LRRIQ1: variants seen among roughly 807,000 people sequenced by gnomAD.
The protein encoded by LRRIQ1 is leucine rich repeats and IQ motif containing 1.
A neutral mutation model predicts 211.9 loss-of-function variants in LRRIQ1; 210 were observed. The observed-to-expected ratio is 0.99, with a 90% confidence interval of 0.89 to 1.11. The LOEUF (loss-of-function observed/expected upper bound fraction) is 1.11. LRRIQ1 is among the 50% of genes most tolerant of loss of function. LRRIQ1 has a pLI of 0.00. For synonymous variants in LRRIQ1, 699 were observed against 650.1 expected (o/e 1.08, Z -1.14); for missense variants, 2,136 against 1,939.5 (o/e 1.10, Z -1.90).
intron 26 of LRRIQ1, among the ~76,000 whole-genome samples, chr12:85,236,827 G>A (rs1300311900): frequency 1.4e-4 from 10 of 70,900 alleles, no homozygotes; most frequent in Non-Finnish European, 2.2e-4. Context: ...ATGTGTATGT[G>A]TGCATATATA....
downstream of LRRIQ1, among the ~76,000 whole-genome samples, chr12:85,246,156 A>G (rs903490296): frequency 6.6e-6 from 1 of 151,204 alleles, no homozygotes; most frequent in Non-Finnish European, 1.5e-5. Flanking sequence ...AGTTTCAAAA[A>G]CCCTGGAGAG....
Position 85,056,318 on chromosome 12 carries a change from A to G in LRRIQ1, c.1525A>G (p.Lys509Glu), listed in dbSNP as rs781527067. 1 of 1,596,592 alleles carries G rather than the reference A, an allele frequency of 6.3e-7. No homozygotes were observed. Among genetic ancestry groups the G allele is most frequent in the South Asian group, 1.2e-5 (1 of 85,624 alleles). The change falls in exon 8 of 27, where the codon AAA becomes GAA. Residue 509 changes from lysine to glutamate, a missense_variant. Physicochemically the swap from Lys to Glu is moderately conservative, Grantham distance 56. Transcript: ENST00000393217. ...AAGAAAATATGAAAATACAGATAAC[A>G]AAACTGAATTGGGAAACTCTGATCT... ...QERKYENTDN[K>E]TELGNSDLKG...
chr12:85,153,558 TAGA>T, intron 21 of LRRIQ1, 102 bp from the exon 22 acceptor site: 1 of 732,754 alleles, frequency 1.4e-6, no homozygotes, highest in Non-Finnish European at 2.2e-6. Flanking sequence ...TTTGCTAACT[TAGA>T]TTTTATTTCC....
chr12:85,191,647 T>G (rs1892516290), intron 24 of LRRIQ1, among the ~76,000 whole-genome samples: 1 of 152,036 alleles, frequency 6.6e-6, no homozygotes, highest in South Asian at 2.1e-4. Context: ...AAAATTTTTG[T>G]GAGTGCACAC....
At chr12:85,052,344 C>A in intron 7 of LRRIQ1, 93 bp downstream of exon 7, 1 of 621,192 alleles carries the variant, frequency 1.6e-6, no homozygotes, top group South Asian at 2.8e-5. Flanking sequence ...ATAATGCTGC[C>A]TAAGTAGTAT....
intron 17 of LRRIQ1, 128 bp downstream of exon 17, chr12:85,124,647 TTA>T (rs2136448389): frequency 2.7e-6 from 2 of 738,418 alleles, no homozygotes; most frequent in African/African-American, 3.6e-5. Flanking sequence ...ACCGATTCCA[TTA>T]TGTTTTCGTG....
At chr12:85,261,765 T>C (rs1350598247) in intron 1 of LRRIQ1, among the ~76,000 whole-genome samples, 2 of 139,608 alleles carry the variant, frequency 1.4e-5, no homozygotes, top group Non-Finnish European at 3.0e-5. Flanking sequence ...TTTTTGTTTA[T>C]TTTATTTATT....
At chr12:85,044,596 C>T (rs1278126553) in intron 3 of LRRIQ1, 122 bp from the exon 4 acceptor site, 2 of 426,198 alleles carry the variant, frequency 4.7e-6, no homozygotes, top group Non-Finnish European at 8.7e-6. Context: ...CTGAGTTACT[C>T]TTACTGATCA....
intron 11 of LRRIQ1, among the ~76,000 whole-genome samples, chr12:85,075,514 A>G (rs1438203767): frequency 1.3e-5 from 2 of 151,990 alleles, no homozygotes; most frequent in African/African-American, 4.8e-5. Context: ...AGCAAGGGAG[A>G]CAGAATGTGG....
Position 85,254,608 on chromosome 12 carries a change from C to G in LRRIQ1, c.122-8307C>G, listed in dbSNP as rs564717288. ...AGAAATTTAGTTTTGTTTCATCTCT[C>G]CACTAATTAACTAGCATATTAATTT... is the stretch of plus-strand genomic sequence containing the variant. On this transcript the variant is annotated intron_variant, in intron 1 of 1. Coordinates refer to the LRRIQ1 transcript ENST00000602731. Among the ~76,000 whole-genome samples the G allele has an allele frequency of 1.2e-3, 183 of 152,186 alleles. 3 individuals are homozygous for G. In the Middle Eastern group the frequency reaches 0.068, roughly 57 times the overall value.
At chr12:85,219,438 T>C (rs1333253357) in intron 24 of LRRIQ1, among the ~76,000 whole-genome samples, 1 of 152,146 alleles carries the variant, frequency 6.6e-6, no homozygotes, top group Non-Finnish European at 1.5e-5. Flanking sequence ...AATCTAAATA[T>C]TTTCCATGAT....
chr12:85,083,703 G>A (rs1884527207), intron 11 of LRRIQ1, among the ~76,000 whole-genome samples: 1 of 152,102 alleles, frequency 6.6e-6, no homozygotes, highest in Non-Finnish European at 1.5e-5. Flanking sequence ...CTCCCAAAGT[G>A]CTGAGATTAC....
At chr12:85,201,719 A>G (rs1893308920) in intron 24 of LRRIQ1, among the ~76,000 whole-genome samples, 1 of 151,210 alleles carries the variant, frequency 6.6e-6, no homozygotes, top group African/African-American at 2.4e-5. Flanking sequence ...TTTCCTATTA[A>G]TGTTTTCATA....
intron 19 of LRRIQ1, among the ~76,000 whole-genome samples, chr12:85,145,113 A>G (rs1362317609): frequency 6.6e-6 from 1 of 151,578 alleles, no homozygotes; most frequent in Non-Finnish European, 1.5e-5. Flanking sequence ...AAATCTTCTC[A>G]AACTTATTTT....
rs1474940946 is a variant in LRRIQ1, at chr12:85,217,506, ATATGTGTGTGTG to A, written c.4823-12009_4823-11998del. Among the ~76,000 whole-genome samples the A allele has an allele frequency of 4.2e-3, 294 of 69,744 alleles. 3 individuals carry two copies. The highest frequency in any genetic ancestry group is 6.1e-3 in the Middle Eastern group (1 of 164). 45.8% of individuals were successfully genotyped at this position (69,744 alleles called of 152,430 possible). A position where few individuals can be genotyped will look rare whatever the true frequency, so the allele number is the denominator to read the frequency against. ...TATATATATATGTATATATATATATATATGTGTGTGTGTGTGTGTGTGTGTGTGTGTGTGTGT... is the reference window on the plus strand; with the variant it reads ...TATATATATATGTATATATATATATATGTGTGTGTGTGTGTGTGTGTGTGT... On this transcript the variant is annotated intron_variant, in intron 24 of 26. Transcript: ENST00000393217.
At chr12:85,041,302 G>A (rs1252680694) in intron 3 of LRRIQ1, among the ~76,000 whole-genome samples, 1 of 151,730 alleles carries the variant, frequency 6.6e-6, no homozygotes, top group Non-Finnish European at 1.5e-5. Context: ...GAATACAGCA[G>A]TGAACAAAAC....
chr12:85,250,924 A>ATAATATATTATATATAATATATT (rs1895913319), intron 1 of LRRIQ1, among the ~76,000 whole-genome samples: 1 of 79,690 alleles, frequency 1.3e-5, no homozygotes, highest in Non-Finnish European at 2.0e-5. Context: ...TATTTTATAT[A>ATAATATATTATATATAATATATT]TTATATATTA....
chr12:85,239,970 C>T (rs1034441771), intron 26 of LRRIQ1, among the ~76,000 whole-genome samples: 1 of 151,766 alleles, frequency 6.6e-6, no homozygotes, highest in African/African-American at 2.4e-5. Context: ...AGAGCAAGAC[C>T]CTGACTCCAA....
At chr12:85,067,622 T>C (rs1882582249) in intron 10 of LRRIQ1, among the ~76,000 whole-genome samples, 1 of 151,734 alleles carries the variant, frequency 6.6e-6, no homozygotes, top group Non-Finnish European at 1.5e-5. Flanking sequence ...CTCAACAGAT[T>C]TGCCCACCTC....
Sources: allele counts gnomAD v4.1 joint callset (sites outside exome capture counted in the v4.1 genomes callset), GRCh38; gene constraint gnomAD v4.1.1; transcripts MANE v1.5; gene names NCBI Gene and HGNC (gene_info 2026-07-23, HGNC 2026-07-21).